The following SNRPN variants were observed in gnomAD, a reference collection of about 807,000 sequenced individuals.
The protein encoded by SNRPN is small nuclear ribonucleoprotein-associated protein N.
Under a neutral mutation model 25.2 loss-of-function variants are expected in SNRPN, and 7 were observed. The ratio of observed to expected loss-of-function variants is 0.28; its 90% CI spans 0.16 to 0.52. SNRPN has a LOEUF of 0.52. SNRPN is among the 20% of genes least tolerant of loss of function. The probability of loss-of-function intolerance (pLI) is 0.96; values close to 1 mark genes in which losing one functional copy is unlikely to be tolerated. For missense variants in SNRPN, 196 were observed against 322.5 expected (o/e 0.61, Z 3.00); for synonymous variants, 124 against 110.6 (o/e 1.12, Z -0.76).
intron 2 of SNRPN, among the ~76,000 whole-genome samples, chr15:24,833,688 G>T (rs996419209): frequency 2.9e-5 from 4 of 138,796 alleles, no homozygotes; most frequent in Non-Finnish European, 4.7e-5. Flanking sequence ...AGACCATCAA[G>T]GAGAATGAAC....
intron 1 of SNRPN, among the ~76,000 whole-genome samples, chr15:24,866,120 C>G (rs903006066): frequency 1.3e-5 from 2 of 152,046 alleles, no homozygotes; most frequent in Admixed American, 1.3e-4. Context: ...TTCTATTTCC[C>G]TGATAATTTT....
chr15:24,836,137 T>G (rs947425131), intron 2 of SNRPN, among the ~76,000 whole-genome samples: 2 of 152,086 alleles, frequency 1.3e-5, no homozygotes, highest in African/African-American at 4.8e-5. Context: ...CTCTGTGCTC[T>G]CACCTCTTCC....
At chr15:24,863,835 A>C (rs1283075482) in intron 1 of SNRPN, among the ~76,000 whole-genome samples, 1 of 149,862 alleles carries the variant, frequency 6.7e-6, no homozygotes, top group African/African-American at 2.5e-5. Context: ...AACTCTCAAT[A>C]CTCATTTGAA....
chr15:24,844,533 G>GT lies in SNRPN; in HGVS notation c.-579+14637dup, dbSNP rs11296380. On this transcript the variant is annotated intron_variant, in intron 2 of 12. Transcript: ENST00000400100. ...TAAGAATAATTTGTCCTTTTTTGTT[G>GT]TTTTTTTTTGAGACAGAGTCTGTCT... Among the ~76,000 whole-genome samples, 262 of 150,856 alleles carry GT rather than the reference G, an allele frequency of 1.7e-3. 1 individual carries two copies. Among genetic ancestry groups the GT allele is most frequent in the African/African-American group, 5.0e-3 (206 of 41,074 alleles).
intron 1 of SNRPN, among the ~76,000 whole-genome samples, chr15:24,957,737 CT>C (rs145539244): frequency 1.1e-4 from 16 of 151,954 alleles, no homozygotes; most frequent in Middle Eastern, 6.8e-3. Flanking sequence ...ATAATTTACC[CT>C]TTTTTTTCTG....
At chr15:24,920,500 A>G (rs1384273887) in intron 3 of SNRPN, 3 of 152,140 alleles carry the variant, frequency 2.0e-5, no homozygotes, top group Non-Finnish European at 2.9e-5. Context: ...AAGAATCTGC[A>G]TTTCGAACAA....
rs2074937317 is a variant in SNRPN, at chr15:24,962,141, A to G, written c.-363A>G. On this transcript the variant is annotated 5_prime_UTR_variant, in exon 2 of 10. Coordinates refer to ENST00000390687, the MANE Select transcript of SNRPN (RefSeq NM_003097.6). ...ATCGCTTACACCTGAGACGAACTACAGAACAGCACGTACCAGAGGTGGAAG... is the reference window on the plus strand; with the variant it reads ...ATCGCTTACACCTGAGACGAACTACGGAACAGCACGTACCAGAGGTGGAAG... The G allele has an allele frequency of 1.2e-6, 2 of 1,614,192 alleles. No individual in the cohort carries two copies. Among genetic ancestry groups the G allele is most frequent in the Non-Finnish European group, 8.5e-7 (1 of 1,180,028 alleles).
At chr15:24,857,313 C>T (rs61192523) in intron 1 of SNRPN, among the ~76,000 whole-genome samples, 4,557 of 152,164 alleles carry the variant, frequency 0.03, 185 homozygotes, top group African/African-American at 0.095. Flanking sequence ...GATTTTTTTC[C>T]CAACTTGCTT....
chr15:24,918,825 C>CAT (rs1298263772), intron 2 of SNRPN, among the ~76,000 whole-genome samples: 1 of 105,650 alleles, frequency 9.5e-6, no homozygotes, highest in Non-Finnish European at 1.9e-5. Context: ...TATATGTGCG[C>CAT]ATATATATAA....
upstream of SNRPN, among the ~76,000 whole-genome samples, chr15:24,855,287 T>C (rs1301406273): frequency 6.6e-6 from 1 of 152,156 alleles, no homozygotes; most frequent in Non-Finnish European, 1.5e-5. Context: ...GTTTTATGGA[T>C]TATTAGTTCA....
chr15:24,876,217 T>C (rs1363805620), intron 1 of SNRPN, among the ~76,000 whole-genome samples: 1 of 152,206 alleles, frequency 6.6e-6, no homozygotes, highest in Non-Finnish European at 1.5e-5. Flanking sequence ...GTACATTTTT[T>C]TTCCTTTGGC....
At chr15:24,931,759 A>G (rs1566926442) in intron 3 of SNRPN, among the ~76,000 whole-genome samples, 1 of 138,538 alleles carries the variant, frequency 7.2e-6, no homozygotes, top group Non-Finnish European at 1.5e-5. Flanking sequence ...AATCCCTTGA[A>G]CTTGAGGAGA....
chr15:24,877,617 G>T (rs2056063191), intron 1 of SNRPN, among the ~76,000 whole-genome samples: 1 of 152,022 alleles, frequency 6.6e-6, no homozygotes, highest in African/African-American at 2.4e-5. Flanking sequence ...CTGAGGTCAG[G>T]AGTTCAAGAC....
At chr15:24,894,126 T>TC (rs1406609736) in intron 2 of SNRPN, among the ~76,000 whole-genome samples, 1 of 152,096 alleles carries the variant, frequency 6.6e-6, no homozygotes, top group Non-Finnish European at 1.5e-5. Context: ...CCAGCTGTAT[T>TC]CCCACAGCCC....
chr15:24,930,237 A>G lies in SNRPN; in HGVS notation c.-391+10113A>G, dbSNP rs915184342. ...AAAAAAAAAAAAAAAAAACTGTTCAAGACTGATCTTTCATAGTGATTGGGT... is the reference window on the plus strand; with the variant it reads ...AAAAAAAAAAAAAAAAAACTGTTCAGGACTGATCTTTCATAGTGATTGGGT... On this transcript the variant is annotated intron_variant, in intron 3 of 11. Transcript: ENST00000400097. 1.1e-4 allele frequency among the ~76,000 whole-genome samples: 16 copies of G among 150,408 alleles called. No individual in the cohort carries two copies. The South Asian group carries it at 2.9e-3, about 27-fold the overall frequency.
At chr15:24,971,553 A>G (rs540217885) in intron 3 of SNRPN, among the ~76,000 whole-genome samples, 1 of 151,630 alleles carries the variant, frequency 6.6e-6, no homozygotes, top group Non-Finnish European at 1.5e-5. Context: ...ATATATAAAT[A>G]TAAAATAATA....
At chr15:24,880,913 G>C (rs2056516366) in intron 1 of SNRPN, among the ~76,000 whole-genome samples, 1 of 152,086 alleles carries the variant, frequency 6.6e-6, no homozygotes, top group South Asian at 2.1e-4. Flanking sequence ...CTGGGCTCAA[G>C]TGATCCTCCC....
intron 2 of SNRPN, among the ~76,000 whole-genome samples, chr15:24,842,036 AC>A (rs1210516205): frequency 1.3e-5 from 2 of 151,592 alleles, no homozygotes; most frequent in African/African-American, 4.9e-5. Context: ...CCCATTTACC[AC>A]CCATCCTTAT....
intron 1 of SNRPN, among the ~76,000 whole-genome samples, chr15:24,860,960 G>A (rs1199117690): frequency 6.6e-6 from 1 of 151,984 alleles, no homozygotes; most frequent in Non-Finnish European, 1.5e-5. Context: ...ATCTCTAATG[G>A]GCTGCCCTTC....
Sources: allele counts gnomAD v4.1 joint callset (sites outside exome capture counted in the v4.1 genomes callset), GRCh38; gene constraint gnomAD v4.1.1; transcripts MANE v1.5; gene names NCBI Gene and HGNC (gene_info 2026-07-23, HGNC 2026-07-21).